RBFOX1: variants seen among roughly 807,000 people sequenced by gnomAD.
The protein encoded by RBFOX1 is RNA binding fox-1 homolog 1.
RBFOX1 carries 8 observed loss-of-function variants against 57.7 expected under a neutral mutation model. The ratio of observed to expected loss-of-function variants is 0.14; its 90% confidence interval spans 0.08 to 0.25. The LOEUF (loss-of-function observed/expected upper bound fraction) is 0.25. Among genes scored for constraint, RBFOX1 ranks in the 10% least tolerant of loss-of-function variants. The probability of loss-of-function intolerance (pLI) is 1.00; values close to 1 mark genes in which losing one functional copy is unlikely to be tolerated. For missense variants in RBFOX1, 611 were observed against 548.5 expected (o/e 1.11, Z -1.14); for synonymous variants, 326 against 222.4 (o/e 1.47, Z -4.15).
At chr16:5,302,009 TA>T (rs149150051) in intron 1 of RBFOX1, among the ~76,000 whole-genome samples, 2,840 of 152,294 alleles carry the variant, frequency 0.019, 76 homozygotes, top group African/African-American at 0.064. Context: ...TGCTCCTCTT[TA>T]GCTTCTTTAG....
intron 4 of RBFOX1, among the ~76,000 whole-genome samples, chr16:7,294,430 C>G (rs140704133): frequency 6.6e-6 from 1 of 151,312 alleles, no homozygotes; most frequent in Non-Finnish European, 1.5e-5. Flanking sequence ...TGTCTCGGGT[C>G]TCTTTTGACA....
chr16:6,489,517 C>T (rs1294741329), intron 2 of RBFOX1, among the ~76,000 whole-genome samples: 1 of 152,104 alleles, frequency 6.6e-6, no homozygotes, highest in Non-Finnish European at 1.5e-5. Context: ...AGTGGCAGAG[C>T]TGGGGTTTAA....
Position 6,120,963 on chromosome 16 carries a change from T to G in RBFOX1, c.-127+100971T>G, listed in dbSNP as rs1022319412. ...GAAACAGCTTGTTCTTCCTGCAGAT[T>G]TATTTCTATTATTTCCTAGAGTTTT... On this transcript the variant is annotated intron_variant, in intron 1 of 15. Transcript: ENST00000550418. Among the ~76,000 whole-genome samples the G allele has an allele frequency of 5.9e-5, 9 of 152,322 alleles. No homozygotes were observed. The South Asian group carries it at 8.3e-4, about 14-fold the overall frequency.
chr16:7,232,625 T>G (rs1274253153), intron 4 of RBFOX1, among the ~76,000 whole-genome samples: 1 of 152,056 alleles, frequency 6.6e-6, no homozygotes, highest in African/African-American at 2.4e-5. Flanking sequence ...GTGGATCACC[T>G]GAGGTTGGGA....
intron 3 of RBFOX1, among the ~76,000 whole-genome samples, chr16:5,639,038 C>G (rs894026447): frequency 1.3e-4 from 20 of 152,208 alleles, no homozygotes; most frequent in African/African-American, 4.6e-4. Context: ...CTGAGCTTTA[C>G]TCTTGTCCTC....
In RBFOX1 at chr16:7,038,293, G is replaced by A. The variant is rs188251307; in HGVS notation, c.-15-13764G>A. The stretch of plus-strand genomic sequence containing the variant: ...ATTTTCTTAGACTGAGCAAGGGTTT[G>A]GGATGGGATGGGGTTGAAGGAGGGC... On this transcript the variant is annotated intron_variant, in intron 3 of 15. Coordinates refer to ENST00000550418, the MANE Select transcript of RBFOX1 (RefSeq NM_018723.4). Among the ~76,000 whole-genome samples, 4 of 152,278 alleles carry A rather than the reference G, an allele frequency of 2.6e-5. No homozygotes were observed. The East Asian group carries it at 5.8e-4, about 22-fold the overall frequency.
intron 1 of RBFOX1, among the ~76,000 whole-genome samples, chr16:6,275,581 G>C (rs1281818751): frequency 4.6e-5 from 7 of 152,144 alleles, no homozygotes; most frequent in Non-Finnish European, 1.0e-4. Flanking sequence ...TGGTAGACAT[G>C]GGGGAGTCAC....
At chr16:6,927,414 CAAAAAAAAAAA>C (rs1194663760) in intron 3 of RBFOX1, among the ~76,000 whole-genome samples, 2 of 53,154 alleles carry the variant, frequency 3.8e-5, no homozygotes, top group African/African-American at 2.2e-4. Context: ...CGCTTTCTCA[CAAAAAAAAAAA>C]AAAAAAAAAA....
intron 4 of RBFOX1, among the ~76,000 whole-genome samples, chr16:7,134,341 C>T (rs1265583287): frequency 6.6e-6 from 1 of 152,068 alleles, no homozygotes; most frequent in Admixed American, 6.6e-5. Flanking sequence ...GATACTGCTC[C>T]AGTATATATA....
chr16:5,864,302 T>C (rs948061303), intron 3 of RBFOX1, among the ~76,000 whole-genome samples: 2 of 152,242 alleles, frequency 1.3e-5, no homozygotes, highest in African/African-American at 2.4e-5. Context: ...GCTTTATTTT[T>C]TATCCTGGTT....
At chr16:5,663,353 T>C (rs1374934985) in intron 3 of RBFOX1, among the ~76,000 whole-genome samples, 2 of 151,804 alleles carry the variant, frequency 1.3e-5, no homozygotes, top group Non-Finnish European at 2.9e-5. Context: ...CACAGGCACA[T>C]GCCACCATGC....
rs571636700 is a variant in RBFOX1 at position 6,876,956 on chromosome 16, G to T, written c.-15-175101G>T. Reference sequence around the variant, plus strand: ...TTCAAGTTTCTCAGTATTTATGGAAGAATAATTTGTAGAATAATGAATATA... The same window carrying T: ...TTCAAGTTTCTCAGTATTTATGGAATAATAATTTGTAGAATAATGAATATA... On this transcript the variant is annotated intron_variant, in intron 3 of 15. Coordinates refer to ENST00000550418, the MANE Select transcript of RBFOX1 (RefSeq NM_018723.4). Among the ~76,000 whole-genome samples the T allele has an allele frequency of 3.9e-4, 59 of 152,174 alleles. 1 individual carries two copies. The highest frequency in any genetic ancestry group is 6.9e-4 in the Non-Finnish European group (47 of 67,994).
intron 1 of RBFOX1, among the ~76,000 whole-genome samples, chr16:6,227,652 G>A (rs896391251): frequency 2.0e-5 from 3 of 152,154 alleles, no homozygotes; most frequent in African/African-American, 7.2e-5. Context: ...CTATGACCAT[G>A]AGTCCAGAAG....
intron 1 of RBFOX1, among the ~76,000 whole-genome samples, chr16:6,302,274 C>A (rs1303978035): frequency 6.6e-6 from 1 of 151,916 alleles, no homozygotes; most frequent in East Asian, 1.9e-4. Flanking sequence ...TATGACTTTC[C>A]TTTCTCCCAC....
At chr16:5,759,627 A>G (rs1445327984) in intron 3 of RBFOX1, among the ~76,000 whole-genome samples, 1 of 152,004 alleles carries the variant, frequency 6.6e-6, no homozygotes, top group East Asian at 1.9e-4. Flanking sequence ...CTAGATCTCC[A>G]TTTGGGTAGA....
chr16:7,305,785 GA>G (rs2096167628), intron 4 of RBFOX1, among the ~76,000 whole-genome samples: 1 of 152,084 alleles, frequency 6.6e-6, no homozygotes, highest in East Asian at 1.9e-4. Context: ...AAAATCTTGG[GA>G]ACCAATTTGT....
intron 4 of RBFOX1, among the ~76,000 whole-genome samples, chr16:7,368,249 AGAG>A (rs2097499570): frequency 6.6e-6 from 1 of 151,104 alleles, no homozygotes; most frequent in African/African-American, 2.4e-5. Context: ...CCTGGGCCAC[AGAG>A]TGAGACTGTC....
At chr16:7,043,159 C>A (rs899401148) in intron 3 of RBFOX1, among the ~76,000 whole-genome samples, 2 of 152,098 alleles carry the variant, frequency 1.3e-5, no homozygotes, top group Non-Finnish European at 2.9e-5. Context: ...AGGGTTAGAT[C>A]AAGGGTCTCA....
intron 7 of RBFOX1, among the ~76,000 whole-genome samples, chr16:7,594,693 A>G (rs73488667): frequency 1.6e-3 from 251 of 152,358 alleles, no homozygotes; most frequent in African/African-American, 5.4e-3. Flanking sequence ...ATTACATTCT[A>G]TTAACAAAGT....
Sources: gnomAD v4.1 joint callset for allele counts (sites outside exome capture counted in the v4.1 genomes callset) on GRCh38, gnomAD v4.1.1 for gene constraint, MANE v1.5 for transcripts, NCBI Gene and HGNC (gene_info 2026-07-23, HGNC 2026-07-21) for gene names.